NTRK2: variants seen among roughly 807,000 people sequenced by gnomAD.
NTRK2 encodes the protein BDNF/NT-3 growth factors receptor.
A neutral mutation model predicts 94.5 loss-of-function variants in NTRK2; 13 were observed. The observed-to-expected ratio is 0.14, with a 90% CI of 0.09 to 0.22. NTRK2 has a LOEUF of 0.22. Ranked by LOEUF, NTRK2 falls within the 10% of genes least tolerant of loss-of-function variation. NTRK2 has a pLI of 1.00. For synonymous variants in NTRK2, 372 were observed against 407.4 expected, an observed-to-expected ratio of 0.91 and a Z score of 1.05; for missense variants, 639 against 1,071.2, an observed-to-expected ratio of 0.60 and a Z score of 5.63.
At chr9:84,703,824 T>A (rs140565494) in intron 4 of NTRK2, among the ~76,000 whole-genome samples, 1 of 152,334 alleles carries the variant, frequency 6.6e-6, no homozygotes, top group East Asian at 1.9e-4. Flanking sequence ...TTTGGAATCA[T>A]TTTTGCAGTC....
At chr9:84,900,309 T>C (rs1409330673) in intron 14 of NTRK2, among the ~76,000 whole-genome samples, 1 of 152,214 alleles carries the variant, frequency 6.6e-6, no homozygotes, top group Non-Finnish European at 1.5e-5. Flanking sequence ...AGAGCAGACG[T>C]GGGACCAGAC....
intron 12 of NTRK2, among the ~76,000 whole-genome samples, chr9:84,788,307 A>C (rs886565595): frequency 6.6e-6 from 1 of 152,228 alleles, no homozygotes; most frequent in African/African-American, 2.4e-5. Context: ...AAAAAGTATA[A>C]ATTCAGTAGA....
At position 84,749,228 on chromosome 9, in the gene NTRK2, C is replaced by CA. The variant is rs34920308; in HGVS notation, c.1297-2746dup. Among the ~76,000 whole-genome samples, 1,116 of 139,182 alleles carry CA rather than the reference C, an allele frequency of 8.0e-3. 22 individuals are homozygous for CA. Among genetic ancestry groups the CA allele is most frequent in the African/African-American group, 0.026 (1,005 of 37,968 alleles). 91.3% of individuals were successfully genotyped at this position (139,182 alleles called of 152,430 possible). ...AGGCAACAGGAGCGAAACTCCGTCTCAAAAAAAAAAAAGTCTATACTCAAA... is the reference window on the plus strand; with the variant it reads ...AGGCAACAGGAGCGAAACTCCGTCTCAAAAAAAAAAAAAGTCTATACTCAAA... On this transcript the variant is annotated intron_variant, in intron 11 of 18. Transcript: ENST00000277120.
intron 12 of NTRK2, among the ~76,000 whole-genome samples, chr9:84,754,190 C>T (rs1449512092): frequency 6.6e-6 from 1 of 151,868 alleles, no homozygotes; most frequent in East Asian, 1.9e-4. Context: ...TTAACCCTGC[C>T]ACAGAGCCAG....
intron 11 of NTRK2, among the ~76,000 whole-genome samples, chr9:84,748,793 C>T (rs1197005094): frequency 2.6e-5 from 4 of 152,106 alleles, no homozygotes; most frequent in Admixed American, 2.6e-4. Flanking sequence ...GATCTCTTTC[C>T]CATGAAAACA....
At chr9:84,916,471 C>T (rs1405513659) in intron 14 of NTRK2, among the ~76,000 whole-genome samples, 1 of 152,158 alleles carries the variant, frequency 6.6e-6, no homozygotes, top group Non-Finnish European at 1.5e-5. Flanking sequence ...ACCCACAATC[C>T]TCTCAACATA....
chr9:84,867,663 G>T (rs2075656859), intron 14 of NTRK2, among the ~76,000 whole-genome samples: 1 of 152,086 alleles, frequency 6.6e-6, no homozygotes, highest in Non-Finnish European at 1.5e-5. Context: ...GACTCTCTTG[G>T]GATCTATTTT....
chr9:84,952,509 C>T (rs868411276), intron 16 of NTRK2, among the ~76,000 whole-genome samples: 3 of 152,162 alleles, frequency 2.0e-5, no homozygotes, highest in South Asian at 4.1e-4. Context: ...GTTTTGATTT[C>T]TAAGACTTCA....
At chr9:84,816,778 C>CAAAAA (rs61094948) in intron 12 of NTRK2, among the ~76,000 whole-genome samples, 233 of 82,128 alleles carry the variant, frequency 2.8e-3, no homozygotes, top group Middle Eastern at 0.013. Flanking sequence ...GACTCCATCT[C>CAAAAA]AAAAAAAAAA....
At chr9:85,016,132 G>A (rs904836780) in intron 17 of NTRK2, among the ~76,000 whole-genome samples, 1 of 152,160 alleles carries the variant, frequency 6.6e-6, no homozygotes, top group African/African-American at 2.4e-5. Flanking sequence ...TGGCACTGAG[G>A]TGGTGGGTGA....
At chr9:84,699,310 A>G (rs1364744724) in intron 2 of NTRK2, among the ~76,000 whole-genome samples, 3 of 152,326 alleles carry the variant, frequency 2.0e-5, no homozygotes, top group Admixed American at 2.0e-4. Context: ...TGCTAGGATT[A>G]CAGGCGTGAG....
chr9:84,861,091 A>G lies in NTRK2; in HGVS notation c.1444+4A>G, dbSNP rs201381035. The stretch of plus-strand genomic sequence containing the variant: ...GTAAAATCAAGACAAGGTGTTGGTA[A>G]GTAGTTAACTCACTCCTTCTTTGGA... On this transcript the variant is annotated splice_donor_region_variant and intron_variant, in intron 13 of 18. Coordinates refer to ENST00000277120, the MANE Select transcript of NTRK2 (RefSeq NM_006180.6). 3 of 1,609,932 alleles carry G rather than the reference A, an allele frequency of 1.9e-6. No homozygotes were observed. Among genetic ancestry groups the G allele is most frequent in the Non-Finnish European group, 1.7e-6 (2 of 1,176,620 alleles).
At position 84,926,173 on chromosome 9, in the gene NTRK2, T is replaced by G. The variant is rs11788500; in HGVS notation, c.1634-7989T>G. 1.9e-3 allele frequency among the ~76,000 whole-genome samples: 92 copies of G among 47,882 alleles called. 1 individual carries two copies. The highest frequency in any genetic ancestry group is 6.4e-3 in the African/African-American group (86 of 13,486). The allele number at this position is 47,882 out of a possible 152,430, so 31.4% of individuals were successfully genotyped here. A position where few individuals can be genotyped will look rare whatever the true frequency, so the allele number is the denominator to read the frequency against. ...TCCTTCCTTCCTTCCTTCCTTCCTT[T>G]CTTTCTTTCTTTCTTTCTTTCTTTC... On this transcript the variant is annotated intron_variant, in intron 14 of 18. Transcript: ENST00000277120.
chr9:84,827,857 T>C (rs2073287658), intron 12 of NTRK2, among the ~76,000 whole-genome samples: 1 of 152,206 alleles, frequency 6.6e-6, no homozygotes, highest in Non-Finnish European at 1.5e-5. Context: ...CTAAGCCCCA[T>C]ATCTTTGATT....
intron 12 of NTRK2, chr9:84,814,158 A>C: frequency 9.4e-7 from 1 of 1,065,682 alleles, no homozygotes. Context: ...CAAGGACAAG[A>C]ACTAAACAAT....
intron 12 of NTRK2, among the ~76,000 whole-genome samples, chr9:84,809,392 T>A (rs2071492314): frequency 6.7e-6 from 1 of 148,576 alleles, no homozygotes; most frequent in African/African-American, 2.4e-5. Flanking sequence ...ATATTATACA[T>A]CATATTATTT....
intron 12 of NTRK2, among the ~76,000 whole-genome samples, chr9:84,849,628 A>G (rs1448250323): frequency 6.6e-6 from 1 of 152,200 alleles, no homozygotes; most frequent in Admixed American, 6.5e-5. Flanking sequence ...AGACAGAAAT[A>G]TGTATTGCTT....
At chr9:84,751,924 C>T in intron 11 of NTRK2, 62 bp from the exon 12 acceptor site, 1 of 1,220,666 alleles carries the variant, frequency 8.2e-7, no homozygotes, top group Non-Finnish European at 1.2e-6. Flanking sequence ...TGATCATCAT[C>T]ACCATATGAT....
chr9:84,670,663 C>A lies in NTRK2; in HGVS notation c.-86C>A, dbSNP rs1012272605. ...ACCGAGGAGTTAAGAGAGCCGCAAGCGCAGGGAAGGCCTCCCCGCACGGGT... is the reference window on the plus strand; with the variant it reads ...ACCGAGGAGTTAAGAGAGCCGCAAGAGCAGGGAAGGCCTCCCCGCACGGGT... On this transcript the variant is annotated 5_prime_UTR_variant, in exon 2 of 19. Transcript: ENST00000277120. The A allele has an allele frequency of 1.8e-5, 24 of 1,346,610 alleles. No individual in the cohort carries two copies. Among genetic ancestry groups the A allele is most frequent in the Non-Finnish European group, 2.4e-5 (23 of 949,214 alleles). 83.4% of individuals were successfully genotyped at this position (1,346,610 alleles called of 1,614,324 possible).
Sources: allele counts gnomAD v4.1 joint callset (sites outside exome capture counted in the v4.1 genomes callset), GRCh38; gene constraint gnomAD v4.1.1; transcripts MANE v1.5; gene names NCBI Gene and HGNC (gene_info 2026-07-23, HGNC 2026-07-21).